Variants in DMD observed in about 807,000 individuals in gnomAD.
The protein encoded by DMD is dystrophin, also known as mutant dystrophin.
A neutral mutation model predicts 330.1 loss-of-function variants in DMD; 63 were observed. The observed-to-expected ratio is 0.19, with a 90% CI of 0.16 to 0.24. DMD has a LOEUF of 0.24. Ranked by LOEUF, DMD falls within the 10% of genes least tolerant of loss-of-function variation. DMD has a pLI of 1.00. For synonymous variants in DMD, 1,223 were observed against 959.8 expected (o/e 1.27, Z -5.07); for missense variants, 3,344 against 2,684.1 (o/e 1.25, Z -5.43).
At chrX:31,222,943 G>A in intron 64 of DMD, 104 bp downstream of exon 64, 1 of 674,891 alleles carries the variant, frequency 1.5e-6, no homozygotes, top group East Asian at 3.2e-5. Context: ...AACAGGAATT[G>A]TGACAGCTGT....
At chrX:33,229,760 G>A (rs905379295) in intron 1 of DMD, among the ~76,000 whole-genome samples, 2 of 111,334 alleles carry the variant, frequency 1.8e-5, no homozygotes, top group Admixed American at 9.5e-5. Context: ...GTACTTTTCC[G>A]TATAAATTTA....
chrX:33,159,081 T>G lies in DMD; in HGVS notation c.31+52201A>C, dbSNP rs767918461. The G allele has an allele frequency of 2.1e-4, 23 of 111,867 alleles. No homozygotes were observed. The East Asian group carries it at 6.2e-3, about 30-fold the overall frequency. The allele number at this position is 111,867 out of a possible 1,213,427, so 9.2% of individuals were successfully genotyped here. ...GTCACACCTACCTTCCAATAACCTA[T>G]TATAAGAGCCAAAAATGATAGCTAA... On this transcript the variant is annotated intron_variant, in intron 1 of 78. Transcript: ENST00000357033.
chrX:32,194,307 A>T (rs2096988694), intron 44 of DMD, among the ~76,000 whole-genome samples: 1 of 111,979 alleles, frequency 8.9e-6, no homozygotes, highest in African/African-American at 3.3e-5. Flanking sequence ...AACAAAATAG[A>T]CAACATTTCC....
At chrX:32,413,656 C>A (rs1181245116) in intron 29 of DMD, among the ~76,000 whole-genome samples, 1 of 109,589 alleles carries the variant, frequency 9.1e-6, no homozygotes, top group Non-Finnish European at 1.9e-5. Context: ...ATTGGGGCTT[C>A]CTGTCTAAAA....
At chrX:31,811,090 C>T (rs774812497) in intron 50 of DMD, among the ~76,000 whole-genome samples, 3 of 111,676 alleles carry the variant, frequency 2.7e-5, no homozygotes, top group Non-Finnish European at 3.8e-5. Context: ...CAGTTCAGAC[C>T]CCAAAGCACA....
intron 77 of DMD, 126 bp from the exon 78 acceptor site, chrX:31,126,799 G>T: frequency 2.3e-5 from 6 of 257,517 alleles, no homozygotes; most frequent in South Asian, 1.3e-4. Flanking sequence ...TTTATTCTCT[G>T]CTGGAAAAAA....
At position 32,589,032 on chromosome X, in the gene DMD, A is replaced by G. The variant is rs755787100; in HGVS notation, c.1602+6725T>C. Among the ~76,000 whole-genome samples, 3 of 111,929 alleles carry G rather than the reference A, an allele frequency of 2.7e-5. No individual in the cohort carries two copies. The Admixed American group carries it at 2.8e-4, about 11-fold the overall frequency. On this transcript the variant is annotated intron_variant, in intron 13 of 78. Transcript: ENST00000357033. ...TTAGAAGAAAATGGACTCAGGAAAG[A>G]TCTGGGCAGAAGACATCCAGAGTTA...
chrX:32,469,208 G>A (rs943039043), intron 22 of DMD, among the ~76,000 whole-genome samples: 3 of 109,829 alleles, frequency 2.7e-5, no homozygotes, highest in Non-Finnish European at 5.7e-5. Context: ...ATTATGGTGG[G>A]ATTCAAGGAT....
intron 2 of DMD, among the ~76,000 whole-genome samples, chrX:32,851,581 T>C (rs140898477): frequency 2.7e-5 from 3 of 112,066 alleles, no homozygotes; most frequent in Non-Finnish European, 5.6e-5. Context: ...AGCACCTACA[T>C]AAAAACCAAA....
chrX:33,326,259 A>C (rs1021362637), intron 1 of DMD, among the ~76,000 whole-genome samples: 4 of 111,072 alleles, frequency 3.6e-5, no homozygotes, highest in Non-Finnish European at 7.6e-5. Flanking sequence ...AGGGTAAAAA[A>C]AAAAAAAGAA....
chrX:32,479,383 C>T (rs1038407399), intron 21 of DMD, among the ~76,000 whole-genome samples: 1 of 111,120 alleles, frequency 9.0e-6, no homozygotes, highest in Admixed American at 9.6e-5. Flanking sequence ...ATTTATTCCT[C>T]CAGTCTAACT....
chrX:32,999,967 T>C (rs1247131426), intron 2 of DMD, among the ~76,000 whole-genome samples: 1 of 112,591 alleles, frequency 8.9e-6, no homozygotes, highest in Non-Finnish European at 1.9e-5. Context: ...CACTCTCCCA[T>C]GTAACTTCGT....
intron 1 of DMD, among the ~76,000 whole-genome samples, chrX:33,023,593 A>T (rs1321475097): frequency 8.9e-6 from 1 of 111,759 alleles, no homozygotes; most frequent in East Asian, 2.8e-4. Context: ...GAAGTAGAAG[A>T]TGTTTCATGC....
intron 44 of DMD, among the ~76,000 whole-genome samples, chrX:32,134,893 C>T (rs1327687067): frequency 8.9e-6 from 1 of 111,955 alleles, no homozygotes; most frequent in Non-Finnish European, 1.9e-5. Context: ...TGGGTGCAAA[C>T]AGAGTTCTAA....
intron 6 of DMD, among the ~76,000 whole-genome samples, chrX:32,810,322 TTA>T (rs1427836472): frequency 3.6e-5 from 4 of 111,635 alleles, no homozygotes; most frequent in Non-Finnish European, 7.5e-5. Flanking sequence ...ATGCCCAGTT[TTA>T]TATGTCTAAC....
intron 61 of DMD, among the ~76,000 whole-genome samples, chrX:31,336,345 T>C (rs771147249): frequency 3.6e-5 from 4 of 111,963 alleles, no homozygotes; most frequent in Non-Finnish European, 7.5e-5. Context: ...TACTGGCATG[T>C]AGTGAGTAGA....
intron 23 of DMD, among the ~76,000 whole-genome samples, chrX:32,465,940 C>T (rs1054763573): frequency 2.7e-5 from 3 of 111,172 alleles, no homozygotes; most frequent in African/African-American, 6.5e-5. Flanking sequence ...ATATCTGCCT[C>T]GGTCTCACCT....
intron 61 of DMD, among the ~76,000 whole-genome samples, chrX:31,325,952 T>G (rs768291086): frequency 4.6e-5 from 5 of 108,081 alleles, no homozygotes; most frequent in Admixed American, 2.9e-4. Flanking sequence ...CTTTCTAGTT[T>G]TTTTTTTTTT....
chrX:31,220,694 T>A (rs1238391707), intron 64 of DMD, among the ~76,000 whole-genome samples: 1 of 110,254 alleles, frequency 9.1e-6, no homozygotes, highest in Non-Finnish European at 1.9e-5. Context: ...TGTATATTTC[T>A]CCTGAGCACC....
Sources: gnomAD v4.1 joint callset for allele counts (sites outside exome capture counted in the v4.1 genomes callset) on GRCh38, gnomAD v4.1.1 for gene constraint, MANE v1.5 for transcripts, NCBI Gene and HGNC (gene_info 2026-07-23, HGNC 2026-07-21) for gene names.